DNAI4: variants seen among roughly 807,000 people sequenced by gnomAD.
DNAI4 encodes the protein dynein axonemal intermediate chain 4.
In DNAI4, 85 loss-of-function variants were observed where a neutral mutation model predicts 105.8. The observed-to-expected ratio is 0.80, with a 90% confidence interval of 0.67 to 0.96. The LOEUF is 0.96. DNAI4 is among the 40% of genes least tolerant of loss of function. The pLI is 0.00. For synonymous variants in DNAI4, 352 were observed against 331.5 expected (o/e 1.06, Z -0.67); for missense variants, 1,014 against 1,005.6 (o/e 1.01, Z -0.11).
At chr1:66,904,216 T>C (rs1001318427) in intron 2 of DNAI4, among the ~76,000 whole-genome samples, 3 of 152,160 alleles carry the variant, frequency 2.0e-5, no homozygotes, top group Non-Finnish European at 4.4e-5. Flanking sequence ...ACTTATGCTT[T>C]CTTTTCTCTT....
At chr1:66,865,839 G>C (rs536094040) in intron 6 of DNAI4, among the ~76,000 whole-genome samples, 1 of 152,314 alleles carries the variant, frequency 6.6e-6, no homozygotes, top group African/African-American at 2.4e-5. Flanking sequence ...ATAATGTATA[G>C]AGAGAGGCCA....
At chr1:66,884,325 G>A (rs559465027) in intron 4 of DNAI4, among the ~76,000 whole-genome samples, 1 of 152,218 alleles carries the variant, frequency 6.6e-6, no homozygotes, top group South Asian at 2.1e-4. Flanking sequence ...CAAATCTTTT[G>A]GGTAAATACC....
At chr1:66,868,300 T>G (rs1646773470) in intron 6 of DNAI4, among the ~76,000 whole-genome samples, 1 of 152,352 alleles carries the variant, frequency 6.6e-6, no homozygotes, top group Non-Finnish European at 1.5e-5. Flanking sequence ...TTTATATGAC[T>G]TGGAGCAATT....
intron 5 of DNAI4, among the ~76,000 whole-genome samples, chr1:66,872,247 G>T (rs1211417484): frequency 7.3e-6 from 1 of 136,098 alleles, no homozygotes; most frequent in Admixed American, 7.1e-5. Context: ...TTTATTTATT[G>T]AGACGGAGTC....
intron 2 of DNAI4, among the ~76,000 whole-genome samples, chr1:66,894,325 T>A (rs918426483): frequency 6.6e-6 from 1 of 152,154 alleles, no homozygotes; most frequent in African/African-American, 2.4e-5. Flanking sequence ...CTATTTTGAT[T>A]TCCGTTTGGA....
At chr1:66,901,106 CT>C (rs925572331) in intron 2 of DNAI4, among the ~76,000 whole-genome samples, 60 of 152,174 alleles carry the variant, frequency 3.9e-4, no homozygotes, top group Admixed American at 1.2e-3. Context: ...TTTTAAGATG[CT>C]TTTCCCTTCA....
At chr1:66,893,569 T>C (rs1648050870) in intron 2 of DNAI4, among the ~76,000 whole-genome samples, 156 bp from the exon 3 acceptor site, 1 of 152,182 alleles carries the variant, frequency 6.6e-6, no homozygotes, top group Non-Finnish European at 1.5e-5. Flanking sequence ...TAAAATGTCA[T>C]GCTTAGAAAG....
rs201502695 is a variant in DNAI4 at position 66,911,581 on chromosome 1, T to C, written c.171-6206A>G. Among the ~76,000 whole-genome samples the C allele has an allele frequency of 2.0e-3, 303 of 152,300 alleles. 2 individuals are homozygous for C. Among genetic ancestry groups the C allele is most frequent in the African/African-American group, 6.8e-3 (282 of 41,562 alleles). ...ACTAGTCATGGTCAACTCATTAGCA[T>C]ACAAAAAGACAACACTCTGGAGATT... On this transcript the variant is annotated intron_variant, in intron 1 of 16. Coordinates refer to ENST00000371026, the MANE Select transcript of DNAI4 (RefSeq NM_024763.5).
At chr1:66,895,271 G>A (rs552251321) in intron 2 of DNAI4, among the ~76,000 whole-genome samples, 1 of 152,130 alleles carries the variant, frequency 6.6e-6, no homozygotes, top group Non-Finnish European at 1.5e-5. Flanking sequence ...TTGAGGCTAG[G>A]GGTTTGAGAC....
chr1:66,908,493 T>C (rs1649421282), intron 1 of DNAI4, among the ~76,000 whole-genome samples: 2 of 152,238 alleles, frequency 1.3e-5, no homozygotes, highest in Non-Finnish European at 1.5e-5. Flanking sequence ...AAGTAGCTAA[T>C]CTTAAAGTTG....
At chr1:66,913,859 G>A (rs1051393564) in intron 1 of DNAI4, among the ~76,000 whole-genome samples, 1 of 152,068 alleles carries the variant, frequency 6.6e-6, no homozygotes, top group Non-Finnish European at 1.5e-5. Context: ...GCGGGCACCT[G>A]TAGTCCCAGC....
chr1:66,892,985 GA>G (rs61698436), intron 3 of DNAI4, among the ~76,000 whole-genome samples: 15 of 127,730 alleles, frequency 1.2e-4, no homozygotes, highest in African/African-American at 4.3e-4. Flanking sequence ...AAGAAAGAAA[GA>G]AAGAAAGAAA....
At chr1:66,913,963 A>G (rs1236497229) in intron 1 of DNAI4, among the ~76,000 whole-genome samples, 3 of 150,646 alleles carry the variant, frequency 2.0e-5, no homozygotes, top group East Asian at 1.9e-4. Flanking sequence ...CAGCCTGGGC[A>G]ACAGAGCAAA....
At chr1:66,824,627 C>T (rs1645710045) in intron 15 of DNAI4, among the ~76,000 whole-genome samples, 1 of 151,712 alleles carries the variant, frequency 6.6e-6, no homozygotes, top group Non-Finnish European at 1.5e-5. Context: ...TCCTTCACAT[C>T]CCTTGTAAGT....
At chr1:66,914,674 C>A (rs1649931034) in intron 1 of DNAI4, among the ~76,000 whole-genome samples, 1 of 150,462 alleles carries the variant, frequency 6.6e-6, no homozygotes. Flanking sequence ...GGTTGTGAAA[C>A]AGGTTATCAA....
intron 16 of DNAI4, among the ~76,000 whole-genome samples, chr1:66,820,272 A>T (rs1645598198): frequency 6.6e-6 from 1 of 152,180 alleles, no homozygotes; most frequent in Non-Finnish European, 1.5e-5. Context: ...GATGATATGG[A>T]AAACAGGTAA....
At chr1:66,893,104 A>AGAAAGAAAGAAAGAAAGAAG (rs1647973489) in intron 3 of DNAI4, 125 bp downstream of exon 3, 2 of 468,764 alleles carry the variant, frequency 4.3e-6, no homozygotes, top group African/African-American at 4.1e-5. Context: ...AAAGAAAGAA[A>AGAAAGAAAGAAAGAAAGAAG]GAAAGAAAGA....
intron 3 of DNAI4, 61 bp from the exon 4 acceptor site, chr1:66,891,327 T>C (rs1647626533): frequency 3.5e-6 from 4 of 1,154,016 alleles, no homozygotes; most frequent in Non-Finnish European, 3.9e-6. Context: ...AAACTACATA[T>C]ACAAATTAGA....
chr1:66,860,990 A>G (rs1646613979), intron 7 of DNAI4, among the ~76,000 whole-genome samples: 1 of 152,168 alleles, frequency 6.6e-6, no homozygotes, highest in South Asian at 2.1e-4. Context: ...TCTAGTTTAC[A>G]TGACCATAAA....
Sources: allele counts gnomAD v4.1 joint callset (sites outside exome capture counted in the v4.1 genomes callset), GRCh38; gene constraint gnomAD v4.1.1; transcripts MANE v1.5; gene names NCBI Gene and HGNC (gene_info 2026-07-23, HGNC 2026-07-21).